UBAP2: variants seen among roughly 807,000 people sequenced by gnomAD.
UBAP2 encodes the protein ubiquitin-associated protein 2.
In UBAP2, 75 loss-of-function variants were observed where a neutral mutation model predicts 139.6. The observed-to-expected ratio is 0.54, with a 90% CI of 0.45 to 0.65. The LOEUF is 0.65. Ranked by LOEUF, UBAP2 falls within the 30% of genes least tolerant of loss-of-function variation. The pLI is 0.00. For synonymous variants in UBAP2, 526 were observed against 526.2 expected (o/e 1.00, Z 0.01); for missense variants, 1,368 against 1,369.6 (o/e 1.00, Z 0.02).
chr9:33,965,762 G>A (rs1311961445), intron 8 of UBAP2, among the ~76,000 whole-genome samples: 3 of 152,144 alleles, frequency 2.0e-5, no homozygotes, highest in Admixed American at 1.3e-4. Flanking sequence ...AAATCAGGGA[G>A]TGTGGGCCGG....
At chr9:33,982,292 A>C (rs1206496454) in intron 6 of UBAP2, among the ~76,000 whole-genome samples, 1 of 152,194 alleles carries the variant, frequency 6.6e-6, no homozygotes, top group African/African-American at 2.4e-5. Flanking sequence ...CTAGCAAAAA[A>C]GCTTATGAAA....
At chr9:33,994,383 A>G (rs541030571) in intron 4 of UBAP2, 60 of 152,208 alleles carry the variant, frequency 3.9e-4, no homozygotes, top group African/African-American at 1.4e-3. Context: ...TAGTGTCTGG[A>G]CTTATCTCTA....
intron 1 of UBAP2, among the ~76,000 whole-genome samples, chr9:34,036,571 GTGTGTCTGC>G (rs1409387526): frequency 6.6e-6 from 1 of 152,120 alleles, no homozygotes; most frequent in East Asian, 1.9e-4. Flanking sequence ...TTTAAACTGT[GTGTGTCTGC>G]TCACCAACAT....
In UBAP2 at chr9:33,922,441, G is replaced by A. The variant is rs746596776; in HGVS notation, c.*63C>T. On this transcript the variant is annotated 3_prime_UTR_variant, in exon 29 of 29. Transcript: ENST00000379238. Reference sequence around the variant, plus strand: ...GAAAGGGCACTGGGCTCCCAAATACGTGCTCGTGTGTTCTCTCCTGCCCAG... The same window carrying A: ...GAAAGGGCACTGGGCTCCCAAATACATGCTCGTGTGTTCTCTCCTGCCCAG... 1.9e-5 allele frequency: 29 copies of A among 1,517,620 alleles called. No homozygotes were observed. The highest frequency in any genetic ancestry group is 7.1e-5 in the East Asian group (3 of 42,304). 94.0% of individuals were successfully genotyped at this position (1,517,620 alleles called of 1,614,324 possible).
intron 2 of UBAP2, among the ~76,000 whole-genome samples, chr9:34,008,688 C>T (rs2131239235): frequency 6.6e-6 from 1 of 151,716 alleles, no homozygotes; most frequent in East Asian, 1.9e-4. Flanking sequence ...AAAAGCTGAC[C>T]AGGCACAGTG....
At chr9:33,922,939 T>G (rs748297425) in intron 27 of UBAP2, 27 bp downstream of exon 27, 65 of 1,614,016 alleles carry the variant, frequency 4.0e-5, no homozygotes, top group Non-Finnish European at 5.4e-5. Context: ...CAAAAACCTA[T>G]ACACCCAACC....
intron 1 of UBAP2, among the ~76,000 whole-genome samples, chr9:34,040,721 A>G (rs1564077096): frequency 6.6e-6 from 1 of 152,206 alleles, no homozygotes; most frequent in Non-Finnish European, 1.5e-5. Context: ...AGGATGTAGA[A>G]CTCTTAAACC....
At chr9:34,040,698 T>A (rs1826993106) in intron 1 of UBAP2, among the ~76,000 whole-genome samples, 1 of 152,174 alleles carries the variant, frequency 6.6e-6, no homozygotes, top group Non-Finnish European at 1.5e-5. Flanking sequence ...AAAGGCAACA[T>A]AAAATGTTGG....
chr9:34,018,229 A>ATTTTT (rs34798627), intron 1 of UBAP2, among the ~76,000 whole-genome samples: 1 of 142,286 alleles, frequency 7.0e-6, no homozygotes, highest in African/African-American at 2.6e-5. Context: ...AGCGATTACA[A>ATTTTT]TTTTTTTTTT....
intron 1 of UBAP2, among the ~76,000 whole-genome samples, chr9:34,034,673 G>GACC (rs2131342567): frequency 6.6e-6 from 1 of 152,256 alleles, no homozygotes; most frequent in South Asian, 2.1e-4. Context: ...AGGAGATCAA[G>GACC]ACCATCCTGG....
rs762077817 is a variant in UBAP2, at chr9:33,927,018, C to A, written c.2434G>T (p.Gly812Cys). 6.2e-6 allele frequency: 10 copies of A among 1,613,986 alleles called. No homozygotes were observed. The highest frequency in any genetic ancestry group is 4.0e-5 in the African/African-American group (3 of 74,904). ...PPLLHNQYLV[G>C]PGGLLPAYPI... ...TAGGCAGGAAGCAGTCCTCCGGGACCTACGAGGTACTGGTTGTGCAGCAGG... is the reference window on the plus strand; with the variant it reads ...TAGGCAGGAAGCAGTCCTCCGGGACATACGAGGTACTGGTTGTGCAGCAGG... The change falls in exon 21 of 29, where the codon GGT becomes TGT. Residue 812 changes from glycine to cysteine, a missense_variant. Physicochemically the swap from Gly to Cys is radical, Grantham distance 159. Transcript: ENST00000379238.
At chr9:34,039,064 T>C (rs933292711) in intron 1 of UBAP2, among the ~76,000 whole-genome samples, 2 of 147,050 alleles carry the variant, frequency 1.4e-5, no homozygotes, top group Admixed American at 6.7e-5. Context: ...GTCTGGGAAG[T>C]GAGGAGCCCC....
chr9:34,044,293 C>G (rs866299782), intron 1 of UBAP2, among the ~76,000 whole-genome samples: 1 of 151,352 alleles, frequency 6.6e-6, no homozygotes, highest in Non-Finnish European at 1.5e-5. Flanking sequence ...CCCAGCTACT[C>G]GGGAGGCTGA....
chr9:34,001,025 G>T (rs1241500401), intron 2 of UBAP2, among the ~76,000 whole-genome samples: 1 of 152,110 alleles, frequency 6.6e-6, no homozygotes, highest in Non-Finnish European at 1.5e-5. Flanking sequence ...TCATTTTCCT[G>T]AATCATAACC....
At chr9:33,969,710 G>A (rs763170284) in intron 8 of UBAP2, among the ~76,000 whole-genome samples, 8 of 151,380 alleles carry the variant, frequency 5.3e-5, no homozygotes, top group Admixed American at 2.0e-4. Flanking sequence ...CTAAAAATAC[G>A]AAAAAGTTAG....
intron 2 of UBAP2, among the ~76,000 whole-genome samples, chr9:34,012,192 G>A (rs1823809101): frequency 6.6e-6 from 1 of 152,136 alleles, no homozygotes; most frequent in Admixed American, 6.6e-5. Context: ...TCACAAGAGA[G>A]TTGACATCTG....
intron 1 of UBAP2, among the ~76,000 whole-genome samples, chr9:34,045,783 A>T (rs1378743193): frequency 6.6e-6 from 1 of 152,214 alleles, no homozygotes; most frequent in Non-Finnish European, 1.5e-5. Flanking sequence ...AACTAATCTG[A>T]TAAATTTGAT....
At position 33,996,213 on chromosome 9, in the gene UBAP2, T is replaced by C. The variant is rs752417841; in HGVS notation, c.288+10A>G. ...AATGTAAACAATGCAAATCAATTAATAATACTTACTGTGTCTGAATTCCCT... is the reference window on the plus strand; with the variant it reads ...AATGTAAACAATGCAAATCAATTAACAATACTTACTGTGTCTGAATTCCCT... On this transcript the variant is annotated intron_variant, in intron 4 of 28. Coordinates refer to ENST00000379238, the MANE Select transcript of UBAP2 (RefSeq NM_001370062.2). The C allele has an allele frequency of 1.9e-6, 3 of 1,589,012 alleles. No individual in the cohort carries two copies. Among genetic ancestry groups the C allele is most frequent in the Middle Eastern group, 1.7e-4 (1 of 6,006 alleles).
chr9:33,966,789 T>C (rs1827496165), intron 8 of UBAP2, among the ~76,000 whole-genome samples: 1 of 152,228 alleles, frequency 6.6e-6, no homozygotes, highest in African/African-American at 2.4e-5. Flanking sequence ...AATTATATTT[T>C]AATGATGGTT....
Sources: allele counts gnomAD v4.1 joint callset (sites outside exome capture counted in the v4.1 genomes callset), GRCh38; gene constraint gnomAD v4.1.1; transcripts MANE v1.5; gene names NCBI Gene and HGNC (gene_info 2026-07-23, HGNC 2026-07-21).